Variants in XYLT1 observed in about 807,000 individuals in gnomAD.
The protein encoded by XYLT1 is xylosyltransferase 1, also known as beta-D-xylosyltransferase 1.
XYLT1 carries 36 observed loss-of-function variants against 91.3 expected under a neutral mutation model. The ratio of observed to expected loss-of-function variants is 0.39; its 90% CI spans 0.30 to 0.52. The LOEUF is 0.52. XYLT1 is among the 20% of genes least tolerant of loss of function. The pLI is 0.68. For missense variants in XYLT1, 1,242 were observed against 1,284.5 expected (o/e 0.97, Z 0.51); for synonymous variants, 588 against 532.0 (o/e 1.11, Z -1.45).
Position 17,259,368 on chromosome 16 carries a change from T to A in XYLT1, c.533A>T (p.Gln178Leu), listed in dbSNP as rs547620151. Residue 178 changes from glutamine (Q) to leucine (L), a missense_variant, in exon 3 of 12, where the codon CAG becomes CTG. Transcript: ENST00000261381. ...FAPRTQKQKH[Q>L]PELAKKPPSR... ...CGGTGGCTTCTTCGCCAACTCAGGC[T>A]GGTGCTTCTGCTTTTGAGTCCTGGG... is the stretch of plus-strand genomic sequence containing the variant. 4.3e-6 allele frequency: 7 copies of A among 1,614,228 alleles called. No individual in the cohort carries two copies. In the African/African-American group the frequency reaches 6.7e-5, roughly 15 times the overall value.
intron 10 of XYLT1, among the ~76,000 whole-genome samples, chr16:17,124,686 C>T (rs965717244): frequency 6.6e-6 from 1 of 152,174 alleles, no homozygotes; most frequent in African/African-American, 2.4e-5. Flanking sequence ...TCAATTATTC[C>T]ATTATTCAAA....
chr16:17,399,985 C>T (rs545727120), intron 1 of XYLT1, among the ~76,000 whole-genome samples: 1 of 152,252 alleles, frequency 6.6e-6, no homozygotes, highest in South Asian at 2.1e-4. Context: ...TCAACACAAT[C>T]GCTAAGGATC....
At chr16:17,461,260 T>A (rs540630645) in intron 1 of XYLT1, among the ~76,000 whole-genome samples, 19 of 152,318 alleles carry the variant, frequency 1.2e-4, no homozygotes, top group Admixed American at 4.6e-4. Flanking sequence ...TCATACTACT[T>A]ACTCCTTGCC....
At position 17,138,938 on chromosome 16, in the gene XYLT1, G is replaced by A. The variant is rs535230287; in HGVS notation, c.1588-407C>T. Among the ~76,000 whole-genome samples the A allele has an allele frequency of 1.1e-4, 17 of 152,288 alleles. No individual in the cohort carries two copies. The East Asian group carries it at 2.1e-3, about 19-fold the overall frequency. On this transcript the variant is annotated intron_variant, in intron 7 of 11. Coordinates refer to ENST00000261381, the MANE Select transcript of XYLT1 (RefSeq NM_022166.4). ...ACTGGTGTGCTGGAATTTCACCCCT[G>A]GGGTAGGGAGACCAGATTGATGGTT...
intron 2 of XYLT1, among the ~76,000 whole-genome samples, chr16:17,311,790 C>T (rs925747576): frequency 9.9e-5 from 15 of 151,930 alleles, no homozygotes; most frequent in South Asian, 2.1e-4. Context: ...CTGGGGAGGC[C>T]GCACAATCAT....
At chr16:17,212,386 T>A (rs1367902644) in intron 3 of XYLT1, among the ~76,000 whole-genome samples, 1 of 152,124 alleles carries the variant, frequency 6.6e-6, no homozygotes, top group Non-Finnish European at 1.5e-5. Context: ...GTATTGGGAC[T>A]CTTTTGAAAC....
chr16:17,462,886 T>TAG (rs970429582), intron 1 of XYLT1, among the ~76,000 whole-genome samples: 83 of 152,328 alleles, frequency 5.4e-4, no homozygotes, highest in Middle Eastern at 3.4e-3. Context: ...AAAGAGGGTT[T>TAG]AGAACAGTGC....
chr16:17,460,254 C>T (rs1012560015), intron 1 of XYLT1, among the ~76,000 whole-genome samples: 3 of 152,198 alleles, frequency 2.0e-5, no homozygotes, highest in Non-Finnish European at 4.4e-5. Flanking sequence ...TCACGGGAAA[C>T]ACAGAGTGAG....
intron 1 of XYLT1, among the ~76,000 whole-genome samples, chr16:17,438,448 G>T (rs1275433434): frequency 6.6e-6 from 1 of 152,036 alleles, no homozygotes; most frequent in Admixed American, 6.6e-5. Context: ...TTAAGTGGAG[G>T]CCAGATTAAA....
intron 8 of XYLT1, 22 bp downstream of exon 8, chr16:17,138,333 G>GCAGACCATGA (rs2030837346): frequency 1.2e-5 from 20 of 1,600,126 alleles, no homozygotes; most frequent in Non-Finnish European, 1.6e-5. Flanking sequence ...TAGGAGGCTG[G>GCAGACCATGA]CAGACCATGA....
chr16:17,155,532 A>G (rs1307764898), intron 6 of XYLT1, among the ~76,000 whole-genome samples: 1 of 152,186 alleles, frequency 6.6e-6, no homozygotes, highest in African/African-American at 2.4e-5. Context: ...TGAGCAAGCC[A>G]CGCCCAGCTC....
At chr16:17,176,762 T>C (rs982228978) in intron 5 of XYLT1, among the ~76,000 whole-genome samples, 2 of 151,744 alleles carry the variant, frequency 1.3e-5, no homozygotes, top group African/African-American at 4.8e-5. Context: ...TGAGCTATAA[T>C]GTACATATCT....
chr16:17,382,968 A>T (rs895919727), intron 1 of XYLT1, among the ~76,000 whole-genome samples: 1 of 151,840 alleles, frequency 6.6e-6, no homozygotes, highest in African/African-American at 2.4e-5. Flanking sequence ...ACTGCAGAGG[A>T]CAAATTTCAA....
intron 1 of XYLT1, among the ~76,000 whole-genome samples, chr16:17,388,089 C>G (rs779829157): frequency 6.6e-6 from 1 of 152,164 alleles, no homozygotes; most frequent in Non-Finnish European, 1.5e-5. Context: ...TTAGCCAACC[C>G]TGCCTTAAAC....
At chr16:17,338,585 C>T (rs762096339) in intron 2 of XYLT1, 20 of 445,962 alleles carry the variant, frequency 4.5e-5, no homozygotes, top group African/African-American at 8.1e-5. Flanking sequence ...AATGGTCTTT[C>T]GTGTCCCCTT....
chr16:17,378,204 T>C (rs1403110604), intron 1 of XYLT1, among the ~76,000 whole-genome samples: 1 of 152,150 alleles, frequency 6.6e-6, no homozygotes, highest in Non-Finnish European at 1.5e-5. Flanking sequence ...ACACAACAAA[T>C]GGCACGAATG....
intron 3 of XYLT1, among the ~76,000 whole-genome samples, chr16:17,218,735 T>C (rs924395433): frequency 6.6e-6 from 1 of 152,238 alleles, no homozygotes; most frequent in Non-Finnish European, 1.5e-5. Context: ...ATTTCTCTCC[T>C]ACAACATGTA....
chr16:17,469,205 G>A (rs1172302367), intron 1 of XYLT1, among the ~76,000 whole-genome samples: 3 of 152,240 alleles, frequency 2.0e-5, no homozygotes, highest in African/African-American at 7.2e-5. Flanking sequence ...GCATCACGCT[G>A]TGTACTAAGG....
Position 17,158,919 on chromosome 16 carries a change from C to G in XYLT1, c.1290-10G>C. 6.2e-7 allele frequency: 1 copy of G among 1,613,766 alleles called. No homozygotes were observed. Among genetic ancestry groups the G allele is most frequent in the South Asian group, 1.1e-5 (1 of 91,072 alleles). ...CAACTGGTCATTTGTCCTGTGGAAACAAACCAAGGGGAGAGTCAGGCCAGA... is the reference window on the plus strand; with the variant it reads ...CAACTGGTCATTTGTCCTGTGGAAAGAAACCAAGGGGAGAGTCAGGCCAGA... On this transcript the variant is annotated splice_polypyrimidine_tract_variant and intron_variant, in intron 5 of 11. Coordinates refer to ENST00000261381, the MANE Select transcript of XYLT1 (RefSeq NM_022166.4).
Sources: gnomAD v4.1 joint callset for allele counts (sites outside exome capture counted in the v4.1 genomes callset) on GRCh38, gnomAD v4.1.1 for gene constraint, MANE v1.5 for transcripts, NCBI Gene and HGNC (gene_info 2026-07-23, HGNC 2026-07-21) for gene names.